The following MACROD2 variants were observed in gnomAD, a reference collection of about 807,000 sequenced individuals.
MACROD2 encodes the protein mono-ADP ribosylhydrolase 2, also known as ADP-ribose glycohydrolase MACROD2.
A neutral mutation model predicts 70.4 loss-of-function variants in MACROD2; 36 were observed. The observed-to-expected ratio is 0.51, with a 90% CI of 0.39 to 0.68. MACROD2 has a LOEUF of 0.68. MACROD2 is among the 30% of genes least tolerant of loss of function. The pLI, the probability that MACROD2 is intolerant of heterozygous loss-of-function variation, is 0.00. For synonymous variants in MACROD2, 172 were observed against 178.8 expected (o/e 0.96, Z 0.30); for missense variants, 496 against 538.4 (o/e 0.92, Z 0.78).
At chr20:15,393,587 G>T (rs952660920) in intron 6 of MACROD2, among the ~76,000 whole-genome samples, 1 of 151,700 alleles carries the variant, frequency 6.6e-6, no homozygotes, top group Non-Finnish European at 1.5e-5. Flanking sequence ...TCTTTCTTTG[G>T]CCCTATCTCT....
intron 5 of MACROD2, among the ~76,000 whole-genome samples, chr20:14,754,306 A>C (rs2071912239): frequency 6.6e-6 from 1 of 152,126 alleles, no homozygotes; most frequent in African/African-American, 2.4e-5. Flanking sequence ...ATACAGATCT[A>C]TCATGTCCTG....
intron 3 of MACROD2, among the ~76,000 whole-genome samples, chr20:14,133,478 T>C (rs2054747248): frequency 6.6e-6 from 1 of 152,208 alleles, no homozygotes; most frequent in African/African-American, 2.4e-5. Flanking sequence ...CTGTAACTTA[T>C]ATTCCAGTGG....
intron 5 of MACROD2, among the ~76,000 whole-genome samples, chr20:14,996,057 G>A (rs1300957166): frequency 6.6e-6 from 1 of 151,902 alleles, no homozygotes; most frequent in Non-Finnish European, 1.5e-5. Flanking sequence ...AACTGTGTTT[G>A]TGTGTGTGTG....
rs1443790386 is a variant in MACROD2, at chr20:14,994,159, GTACA to G, written c.419-235770_419-235767del. On this transcript the variant is annotated intron_variant, in intron 5 of 17. Coordinates refer to ENST00000684519, the MANE Select transcript of MACROD2 (RefSeq NM_001351661.2). Reference sequence around the variant, plus strand: ...ACACATACATGTACAGGATAGATATGTACATACATACATATAATATTTTTTCTTA... The same window carrying G: ...ACACATACATGTACAGGATAGATATGTACATACATATAATATTTTTTCTTA... 3.9e-5 allele frequency among the ~76,000 whole-genome samples: 6 copies of G among 151,948 alleles called. No individual in the cohort carries two copies. The East Asian group carries it at 7.7e-4, about 20-fold the overall frequency.
intron 8 of MACROD2, among the ~76,000 whole-genome samples, chr20:15,671,231 C>A (rs2049975531): frequency 6.6e-6 from 1 of 152,152 alleles, no homozygotes; most frequent in South Asian, 2.1e-4. Context: ...TCATGTGGTA[C>A]CTCAGTTCCT....
At chr20:14,003,646 A>G in intron 2 of MACROD2, 1 of 455,396 alleles carries the variant, frequency 2.2e-6, no homozygotes. Flanking sequence ...GTCTCAGAAC[A>G]GAAGGGTGGG....
At chr20:14,304,440 GAAT>G (rs1411525630) in intron 3 of MACROD2, among the ~76,000 whole-genome samples, 1 of 152,184 alleles carries the variant, frequency 6.6e-6, no homozygotes, top group African/African-American at 2.4e-5. Flanking sequence ...GATTGCCTTA[GAAT>G]ATTTAGTAGA....
chr20:15,017,503 G>A (rs2075130918), intron 5 of MACROD2, among the ~76,000 whole-genome samples: 1 of 152,088 alleles, frequency 6.6e-6, no homozygotes, highest in African/African-American at 2.4e-5. Flanking sequence ...CTGCCATTCT[G>A]GGGTCTGGAG....
chr20:15,732,663 T>TGTA (rs1555872670), intron 8 of MACROD2, among the ~76,000 whole-genome samples: 1 of 152,092 alleles, frequency 6.6e-6, no homozygotes, highest in African/African-American at 2.4e-5. Flanking sequence ...TCTACTCAGT[T>TGTA]GTGTATAATT....
chr20:15,903,641 A>G (rs1333439984), intron 10 of MACROD2, among the ~76,000 whole-genome samples: 1 of 152,142 alleles, frequency 6.6e-6, no homozygotes, highest in Non-Finnish European at 1.5e-5. Flanking sequence ...TACGATGGAG[A>G]TTATATCTTG....
intron 3 of MACROD2, among the ~76,000 whole-genome samples, chr20:14,456,746 T>G (rs1311009291): frequency 7.2e-6 from 1 of 138,790 alleles, no homozygotes; most frequent in African/African-American, 2.7e-5. Context: ...AGACTGAGTC[T>G]CTCTCTGTCA....
chr20:15,236,773 G>C (rs1475017980), intron 6 of MACROD2, among the ~76,000 whole-genome samples: 3 of 152,196 alleles, frequency 2.0e-5, no homozygotes, highest in Non-Finnish European at 4.4e-5. Flanking sequence ...CCATCTGTAG[G>C]TTGGACCTGT....
chr20:15,977,118 C>T (rs1340419941), intron 13 of MACROD2, among the ~76,000 whole-genome samples: 1 of 152,166 alleles, frequency 6.6e-6, no homozygotes, highest in Non-Finnish European at 1.5e-5. Context: ...TCTACTCTTT[C>T]CCTTCATGAT....
intron 7 of MACROD2, among the ~76,000 whole-genome samples, chr20:15,470,760 C>A (rs1207749559): frequency 6.6e-6 from 1 of 152,214 alleles, no homozygotes; most frequent in Non-Finnish European, 1.5e-5. Flanking sequence ...CCTGATGTAG[C>A]AGTTCCTGTA....
At chr20:14,564,552 A>G (rs1979651305) in intron 4 of MACROD2, among the ~76,000 whole-genome samples, 1 of 152,064 alleles carries the variant, frequency 6.6e-6, no homozygotes, top group Non-Finnish European at 1.5e-5. Context: ...ATGAACAGAC[A>G]TATTTCAAAA....
intron 6 of MACROD2, among the ~76,000 whole-genome samples, chr20:15,239,032 A>G (rs924576085): frequency 2.6e-5 from 4 of 152,172 alleles, no homozygotes; most frequent in Non-Finnish European, 4.4e-5. Context: ...CTGTATCATG[A>G]GGAAATAGTC....
At chr20:15,351,684 G>A (rs2078228619) in intron 6 of MACROD2, among the ~76,000 whole-genome samples, 1 of 152,146 alleles carries the variant, frequency 6.6e-6, no homozygotes, top group Non-Finnish European at 1.5e-5. Context: ...TGTTTTTGGG[G>A]ACCCCTCTTC....
intron 3 of MACROD2, among the ~76,000 whole-genome samples, chr20:14,177,574 C>G (rs74179735): frequency 0.18 from 27,713 of 151,954 alleles, 2,833 homozygotes; most frequent in African/African-American, 0.28. Flanking sequence ...CCTCGGCCTC[C>G]CAAAGTGCTG....
intron 6 of MACROD2, among the ~76,000 whole-genome samples, chr20:15,373,173 ATTCTGTGATAGGCCATG>A (rs1279544139): frequency 6.6e-6 from 1 of 152,116 alleles, no homozygotes; most frequent in Non-Finnish European, 1.5e-5. Flanking sequence ...CCTGGCCAGA[ATTCTGTGATAGGCCATG>A]TTTCTATAAA....
Sources: allele counts gnomAD v4.1 joint callset (sites outside exome capture counted in the v4.1 genomes callset), GRCh38; gene constraint gnomAD v4.1.1; transcripts MANE v1.5; gene names NCBI Gene and HGNC (gene_info 2026-07-23, HGNC 2026-07-21).